MEMO1: variants seen among roughly 807,000 people sequenced by gnomAD.
MEMO1 encodes the protein mediator of cell motility 1, also known as protein MEMO1.
Under a neutral mutation model 45.2 loss-of-function variants are expected in MEMO1, and 6 were observed. That is an observed-to-expected ratio of 0.13 (90% CI 0.07 to 0.26). The LOEUF (loss-of-function observed/expected upper bound fraction) is 0.26. Among genes scored for constraint, MEMO1 ranks in the 10% least tolerant of loss-of-function variants. The probability of loss-of-function intolerance (pLI) is 1.00; values close to 1 mark genes in which losing one functional copy is unlikely to be tolerated. For synonymous variants in MEMO1, 78 were observed against 124.3 expected, an observed-to-expected ratio of 0.63 and a Z score of 2.48; for missense variants, 184 against 370.5, an observed-to-expected ratio of 0.50 and a Z score of 4.13.
intron 3 of MEMO1, among the ~76,000 whole-genome samples, chr2:31,933,352 TATATATA>T (rs1558514379): frequency 1.6e-4 from 2 of 12,218 alleles, no homozygotes; most frequent in South Asian, 7.7e-3. Flanking sequence ...AAAAAAAATT[TATATATA>T]TATATATATA....
At chr2:31,943,189 T>A in intron 3 of MEMO1, 113 bp downstream of exon 3, 3 of 757,536 alleles carry the variant, frequency 4.0e-6, no homozygotes, top group Non-Finnish European at 4.5e-6. Context: ...CGCTTGAACC[T>A]GGGAGGCGGA....
chr2:31,945,250 C>G (rs143246263), intron 2 of MEMO1, among the ~76,000 whole-genome samples: 26 of 152,254 alleles, frequency 1.7e-4, no homozygotes, highest in African/African-American at 6.3e-4. Flanking sequence ...CTGCACTATA[C>G]GAATATAGCA....
intron 6 of MEMO1, among the ~76,000 whole-genome samples, chr2:31,893,078 T>C (rs1349944353): frequency 6.6e-6 from 1 of 152,168 alleles, no homozygotes; most frequent in Non-Finnish European, 1.5e-5. Context: ...TTATAATAAA[T>C]GCTTTTTAAT....
intron 8 of MEMO1, among the ~76,000 whole-genome samples, chr2:31,882,811 T>C (rs1675611479): frequency 6.6e-6 from 1 of 152,118 alleles, no homozygotes; most frequent in African/African-American, 2.4e-5. Context: ...AATTTTCAGG[T>C]TATTTACTTC....
chr2:31,912,640 A>T (rs1160390766), intron 6 of MEMO1, among the ~76,000 whole-genome samples: 2 of 152,292 alleles, frequency 1.3e-5, no homozygotes, highest in Middle Eastern at 3.4e-3. Context: ...ATATGCAAAA[A>T]AACAGAACAA....
At chr2:31,870,258 ATAT>A (rs1673499206) in intron 8 of MEMO1, among the ~76,000 whole-genome samples, 1 of 150,252 alleles carries the variant, frequency 6.7e-6, no homozygotes, top group Admixed American at 6.6e-5. Context: ...ACATTTCATA[ATAT>A]TATATCTTTC....
chr2:31,878,965 C>T (rs888873244), intron 8 of MEMO1, among the ~76,000 whole-genome samples: 6 of 152,110 alleles, frequency 3.9e-5, no homozygotes, highest in African/African-American at 1.4e-4. Context: ...AATCTTAAGT[C>T]AAATCTCTCC....
At chr2:31,948,722 A>C (rs777830725) in intron 2 of MEMO1, among the ~76,000 whole-genome samples, 7 of 152,218 alleles carry the variant, frequency 4.6e-5, no homozygotes, top group Non-Finnish European at 8.8e-5. Flanking sequence ...AACGTGCCGA[A>C]ACCCCGTCTC....
intron 2 of MEMO1, among the ~76,000 whole-genome samples, chr2:31,962,377 T>G (rs751444274): frequency 1.7e-4 from 25 of 151,458 alleles, no homozygotes; most frequent in Non-Finnish European, 2.4e-4. Context: ...GTAACCAGAG[T>G]GAGACTCTGC....
At chr2:31,977,289 A>T (rs187487208) in intron 2 of MEMO1, among the ~76,000 whole-genome samples, 1 of 152,302 alleles carries the variant, frequency 6.6e-6, no homozygotes, top group Admixed American at 6.5e-5. Context: ...GTAGACAGAC[A>T]GTCAATGGGG....
chr2:31,965,978 T>C (rs1028334914), intron 2 of MEMO1, among the ~76,000 whole-genome samples: 2 of 152,104 alleles, frequency 1.3e-5, no homozygotes, highest in African/African-American at 4.8e-5. Context: ...TAAAATAAAA[T>C]TAAAATTTTT....
chr2:31,898,852 C>G (rs748475341), intron 6 of MEMO1, among the ~76,000 whole-genome samples: 11 of 152,138 alleles, frequency 7.2e-5, no homozygotes, highest in Admixed American at 2.0e-4. Context: ...GTCTAAGTCT[C>G]TTTGTAGTTC....
intron 2 of MEMO1, among the ~76,000 whole-genome samples, chr2:31,991,964 T>C (rs528605011): frequency 6.6e-6 from 1 of 152,334 alleles, no homozygotes; most frequent in East Asian, 1.9e-4. Context: ...ACTTAAAAGT[T>C]GTCTTTTGCT....
chr2:31,916,927 T>A (rs956129167), intron 6 of MEMO1, among the ~76,000 whole-genome samples: 2 of 152,068 alleles, frequency 1.3e-5, no homozygotes, highest in Non-Finnish European at 2.9e-5. Flanking sequence ...TGAGAAGACA[T>A]ACATATTTAG....
At chr2:31,941,310 TCAGCTATCTGCA>T (rs1665586920) in intron 3 of MEMO1, among the ~76,000 whole-genome samples, 1 of 152,168 alleles carries the variant, frequency 6.6e-6, no homozygotes, top group Admixed American at 6.5e-5. Context: ...CCCTCTTCCC[TCAGCTATCTGCA>T]CAGCTTGCTC....
chr2:31,920,622 C>T (rs1214053306), intron 5 of MEMO1, among the ~76,000 whole-genome samples, 176 bp downstream of exon 5: 3 of 152,030 alleles, frequency 2.0e-5, no homozygotes, highest in African/African-American at 7.2e-5. Flanking sequence ...CACTAGTTGC[C>T]TTTTAGGGAT....
chr2:31,923,691 G>A, intron 4 of MEMO1: 1 of 1,547,860 alleles, frequency 6.5e-7, no homozygotes, highest in Non-Finnish European at 8.7e-7. Flanking sequence ...AATATGAAAA[G>A]ACAGAGAGAA....
intron 6 of MEMO1, 78 bp downstream of exon 6, chr2:31,917,848 T>C: frequency 4.5e-6 from 4 of 898,080 alleles, no homozygotes; most frequent in Non-Finnish European, 6.6e-6. Flanking sequence ...TGATAATTAC[T>C]AGGATTTACT....
chr2:31,893,719 T>A (rs943277836), intron 6 of MEMO1, among the ~76,000 whole-genome samples: 2 of 152,188 alleles, frequency 1.3e-5, no homozygotes, highest in Admixed American at 1.3e-4. Flanking sequence ...CTTCATAAAA[T>A]TGTTATGAAG....
Sources: gnomAD v4.1 joint callset for allele counts (sites outside exome capture counted in the v4.1 genomes callset) on GRCh38, gnomAD v4.1.1 for gene constraint, MANE v1.5 for transcripts, NCBI Gene and HGNC (gene_info 2026-07-23, HGNC 2026-07-21) for gene names.